The following GLE1 variants were observed in gnomAD, a reference collection of about 807,000 sequenced individuals.
GLE1 encodes the protein GLE1 RNA export mediator, also known as mRNA export factor GLE1.
Under a neutral mutation model 97.3 loss-of-function variants are expected in GLE1, and 78 were observed. That is an observed-to-expected ratio of 0.80 (90% CI 0.67 to 0.97). The LOEUF (loss-of-function observed/expected upper bound fraction) is 0.97, where lower values mean the gene tolerates loss of function less well. Ranked by LOEUF, GLE1 falls within the 50% of genes least tolerant of loss-of-function variation. GLE1 has a pLI of 0.00. For synonymous variants in GLE1, 302 were observed against 313.4 expected, an observed-to-expected ratio of 0.96 and a Z score of 0.39; for missense variants, 753 against 857.5, an observed-to-expected ratio of 0.88 and a Z score of 1.52.
intron 7 of GLE1, 118 bp downstream of exon 7, chr9:128,525,541 T>C (rs933132586): frequency 2.7e-6 from 2 of 748,108 alleles, no homozygotes; most frequent in Non-Finnish European, 2.3e-6. Flanking sequence ...TTTTATGTAA[T>C]GTATTTCATT....
chr9:128,538,184 G>A (rs1055800865), intron 13 of GLE1, 94 bp downstream of exon 13: 23 of 742,022 alleles, frequency 3.1e-5, no homozygotes, highest in Non-Finnish European at 4.6e-5. Flanking sequence ...ATAGCATTTG[G>A]GCCTGATAGT....
Position 128,533,909 on chromosome 9 carries a change from A to G in GLE1, c.1604A>G (p.Tyr535Cys), listed in dbSNP as rs1847609451. Residue 535 changes from tyrosine to cysteine, a missense_variant, in exon 11 of 16, where the codon TAT becomes TGT. Transcript: ENST00000309971. ...AAGTGTCCTTACTCTGTTCCTTTCT[A>G]TCCCACTTTCAAGGAGGGAATGGCT... ...HKKCPYSVPFYPTFKEGMALE... is the reference protein window; with the variant it reads ...HKKCPYSVPFCPTFKEGMALE... 6.2e-7 allele frequency: 1 copy of G among 1,613,304 alleles called. No homozygotes were observed. Among genetic ancestry groups the G allele is most frequent in the Non-Finnish European group, 8.5e-7 (1 of 1,179,466 alleles).
intron 9 of GLE1, among the ~76,000 whole-genome samples, chr9:128,528,493 C>T (rs561982487): frequency 2.0e-5 from 3 of 152,054 alleles, no homozygotes; most frequent in Admixed American, 6.6e-5. Context: ...TTAGTAGACA[C>T]GGGGTTTCAC....
Position 128,536,503 on chromosome 9 carries a change from C to G in GLE1, c.1776+19C>G, listed in dbSNP as rs1847715554. The G allele has an allele frequency of 6.2e-7, 1 of 1,608,136 alleles. No homozygotes were observed. The highest frequency in any genetic ancestry group is 8.5e-7 in the Non-Finnish European group (1 of 1,174,868). Reference sequence around the variant, plus strand: ...ACAGGAGGTAGGTAAAAGAGGCTTACTGTCAATAATGAGAGGTTAGACCAC... The same window carrying G: ...ACAGGAGGTAGGTAAAAGAGGCTTAGTGTCAATAATGAGAGGTTAGACCAC... On this transcript the variant is annotated intron_variant, in intron 12 of 15. Coordinates refer to ENST00000309971, the MANE Select transcript of GLE1 (RefSeq NM_001003722.2).
chr9:128,518,528 T>TCC (rs1361462308), intron 3 of GLE1, among the ~76,000 whole-genome samples: 1 of 151,904 alleles, frequency 6.6e-6, no homozygotes, highest in African/African-American at 2.4e-5. Flanking sequence ...ACCACTGTAC[T>TCC]CCAGCCTGGG....
intron 13 of GLE1, among the ~76,000 whole-genome samples, chr9:128,538,935 C>T (rs1847807364): frequency 6.6e-6 from 1 of 152,098 alleles, no homozygotes; most frequent in African/African-American, 2.4e-5. Context: ...ATCTATAGTG[C>T]CAATAGTTCC....
chr9:128,510,246 T>G (rs1846769202), intron 2 of GLE1, among the ~76,000 whole-genome samples: 1 of 151,830 alleles, frequency 6.6e-6, no homozygotes, highest in Non-Finnish European at 1.5e-5. Context: ...TTTTTTTTTT[T>G]GAGACGGAGT....
At chr9:128,525,467 A>C (rs1847275657) in intron 7 of GLE1, 44 bp downstream of exon 7, 1 of 1,176,174 alleles carries the variant, frequency 8.5e-7, no homozygotes, top group Non-Finnish European at 1.2e-6. Flanking sequence ...GTAAGTTTCA[A>C]ATGTGAAGAG....
chr9:128,519,560 G>A (rs199800893), intron 3 of GLE1, among the ~76,000 whole-genome samples: 1 of 152,132 alleles, frequency 6.6e-6, no homozygotes, highest in Non-Finnish European at 1.5e-5. Context: ...TGGTCAGACC[G>A]GTTGCTCTCA....
chr9:128,523,362 T>C lies in GLE1; in HGVS notation c.642+22T>C, dbSNP rs1847208013. ...AAAGGTCAGAGCCTGGCAGAATTGG[T>C]GTGGGTGTTTTGGTGTCTGTCTGTA... is the stretch of plus-strand genomic sequence containing the variant. On this transcript the variant is annotated intron_variant, in intron 5 of 15. Coordinates refer to ENST00000309971, the MANE Select transcript of GLE1 (RefSeq NM_001003722.2). The C allele has an allele frequency of 1.9e-6, 3 of 1,601,548 alleles. No homozygotes were observed. In the East Asian group the frequency reaches 6.7e-5, roughly 36 times the overall value.
At chr9:128,528,453 G>A (rs1189488060) in intron 9 of GLE1, among the ~76,000 whole-genome samples, 4 of 151,572 alleles carry the variant, frequency 2.6e-5, no homozygotes, top group Admixed American at 6.6e-5. Context: ...ACAGCTGCCC[G>A]CCACCACGCC....
chr9:128,509,945 T>C (rs1032646384), intron 2 of GLE1, among the ~76,000 whole-genome samples: 2 of 144,726 alleles, frequency 1.4e-5, no homozygotes, highest in Non-Finnish European at 3.1e-5. Flanking sequence ...GGCAACAGAG[T>C]GAGTCCCTAT....
chr9:128,527,684 A>C (rs1434071319), intron 9 of GLE1, among the ~76,000 whole-genome samples, 159 bp downstream of exon 9: 3 of 152,136 alleles, frequency 2.0e-5, no homozygotes, highest in Admixed American at 6.6e-5. Context: ...TTTCCCTGAT[A>C]TAATCATGGC....
At chr9:128,525,740 C>T (rs940365843) in intron 7 of GLE1, among the ~76,000 whole-genome samples, 1 of 152,074 alleles carries the variant, frequency 6.6e-6, no homozygotes, top group Non-Finnish European at 1.5e-5. Context: ...GCCTGGCCAA[C>T]ATGCCGAAAC....
chr9:128,536,059 C>T (rs1487933943), intron 11 of GLE1, among the ~76,000 whole-genome samples: 2 of 151,950 alleles, frequency 1.3e-5, no homozygotes, highest in Non-Finnish European at 2.9e-5. Flanking sequence ...TTTTGAGACA[C>T]AGTCTTACTG....
intron 9 of GLE1, among the ~76,000 whole-genome samples, chr9:128,530,008 G>T (rs1420123922): frequency 6.6e-6 from 1 of 152,118 alleles, no homozygotes. Context: ...GTGTTAGCCA[G>T]GATGGTCTCG....
At chr9:128,521,417 C>T (rs1256463450) in intron 3 of GLE1, among the ~76,000 whole-genome samples, 1 of 151,906 alleles carries the variant, frequency 6.6e-6, no homozygotes, top group South Asian at 2.1e-4. Context: ...ACCTTTAGTC[C>T]CAGCTACTCA....
At chr9:128,527,038 G>A (rs1396179552) in intron 7 of GLE1, 141 bp from the exon 8 acceptor site, 5 of 674,744 alleles carry the variant, frequency 7.4e-6, no homozygotes, top group Non-Finnish European at 2.7e-6. Flanking sequence ...ATAAAATGGA[G>A]ATAATAATAG....
chr9:128,511,998 C>T (rs935143534), intron 2 of GLE1, among the ~76,000 whole-genome samples: 73 of 152,136 alleles, frequency 4.8e-4, no homozygotes, highest in Non-Finnish European at 7.5e-4. Context: ...TTTTAGTAGA[C>T]GGGGTTTCAC....
Sources: allele counts gnomAD v4.1 joint callset (sites outside exome capture counted in the v4.1 genomes callset), GRCh38; gene constraint gnomAD v4.1.1; transcripts MANE v1.5; gene names NCBI Gene and HGNC (gene_info 2026-07-23, HGNC 2026-07-21).